LONRF1: variants seen among roughly 807,000 people sequenced by gnomAD.
The protein encoded by LONRF1 is LON peptidase N-terminal domain and ring finger 1.
A neutral mutation model predicts 85.8 loss-of-function variants in LONRF1; 37 were observed. The ratio of observed to expected loss-of-function variants is 0.43; its 90% confidence interval spans 0.33 to 0.57. The LOEUF (loss-of-function observed/expected upper bound fraction) is 0.57, where lower values mean the gene tolerates loss of function less well. Among genes scored for constraint, LONRF1 ranks in the 20% least tolerant of loss-of-function variants. The pLI is 0.04. For missense variants in LONRF1, 1,036 were observed against 978.0 expected (o/e 1.06, Z -0.79); for synonymous variants, 517 against 390.1 (o/e 1.33, Z -3.83).
In LONRF1 at chr8:12,750,196, G is replaced by A. The variant is rs560049662; in HGVS notation, c.721+4504C>T. ...GCCCTCCTATCTCACATGAGTTTGTGTATGGATCAATTACGATAATAGAAA... is the reference window on the plus strand; with the variant it reads ...GCCCTCCTATCTCACATGAGTTTGTATATGGATCAATTACGATAATAGAAA... On this transcript the variant is annotated intron_variant, in intron 1 of 11. Coordinates refer to ENST00000398246, the MANE Select transcript of LONRF1 (RefSeq NM_152271.5). Among the ~76,000 whole-genome samples the A allele has an allele frequency of 5.9e-5, 9 of 152,310 alleles. No individual in the cohort carries two copies. In the South Asian group the frequency reaches 1.7e-3, roughly 28 times the overall value.
chr8:12,748,811 T>C (rs2117337282), intron 1 of LONRF1, among the ~76,000 whole-genome samples: 1 of 151,808 alleles, frequency 6.6e-6, no homozygotes, highest in African/African-American at 2.4e-5. Context: ...ATATCAATTT[T>C]TTTTTTTTGC....
intron 1 of LONRF1, 59 bp downstream of exon 1, chr8:12,754,641 G>C: frequency 8.0e-7 from 1 of 1,253,354 alleles, no homozygotes; most frequent in Non-Finnish European, 1.0e-6. Flanking sequence ...CCGGGTCCCC[G>C]GCCCTCGGGG....
Position 12,755,409 on chromosome 8 carries a change from C to A in LONRF1, c.12G>T (p.Pro4=). 1 of 1,159,088 alleles carries A rather than the reference C, an allele frequency of 8.6e-7. No individual in the cohort carries two copies. Among genetic ancestry groups the A allele is most frequent in the South Asian group, 3.9e-5 (1 of 25,570 alleles). The allele number at this position is 1,159,088 out of a possible 1,614,324, so 71.8% of individuals were successfully genotyped here. MSS[P]AVARTSPGGS... Reference sequence around the variant, plus strand: ...CTCCTGGGGAGGTCCTCGCCACCGCCGGAGAGGACATGGCCCGCGGAGGGC... The same window carrying A: ...CTCCTGGGGAGGTCCTCGCCACCGCAGGAGAGGACATGGCCCGCGGAGGGC... The change falls in exon 1 of 12, where the codon CCG becomes CCT. Residue 4 remains proline, a synonymous_variant. Transcript: ENST00000398246.
At position 12,737,054 on chromosome 8, in the gene LONRF1, T is replaced by A; in HGVS notation, c.1200A>T (p.Glu400Asp). ...TTAAACAGTCCTCTCTGGCAGGCAT[T>A]TCTGTTGAATTTATAGACTGTGCTG... ...AQSAQSINSTEMPAREDCLKR... is the reference protein window; with the variant it reads ...AQSAQSINSTDMPAREDCLKR... Residue 400 changes from glutamate to aspartate, a missense_variant, in exon 5 of 12, where the codon GAA becomes GAT. Physicochemically the swap from Glu to Asp is conservative, Grantham distance 45. Coordinates refer to ENST00000398246, the MANE Select transcript of LONRF1 (RefSeq NM_152271.5). 1 of 1,613,700 alleles carries A rather than the reference T, an allele frequency of 6.2e-7. No homozygotes were observed. The highest frequency in any genetic ancestry group is 8.5e-7 in the Non-Finnish European group (1 of 1,179,702).
At chr8:12,752,096 A>AT (rs1300692302) in intron 1 of LONRF1, among the ~76,000 whole-genome samples, 2 of 152,154 alleles carry the variant, frequency 1.3e-5, no homozygotes, top group Non-Finnish European at 2.9e-5. Flanking sequence ...TGCAGACTAG[A>AT]TTTTTTCTAG....
chr8:12,728,914 A>G lies in LONRF1; in HGVS notation c.1997T>C (p.Leu666Pro). Residue 666 changes from leucine (L) to proline (P), a missense_variant, in exon 10 of 12, where the codon CTG becomes CCG. Leu to Pro is a moderately conservative substitution (Grantham distance 98). Around this residue, in one of 3 missense-constraint regions of LONRF1, gnomAD observed 265 missense variants for 301.5 expected, o/e 0.88. Coordinates refer to ENST00000398246, the MANE Select transcript of LONRF1 (RefSeq NM_152271.5). ...ATTTTAAAATACCTTAACATCTTCC[A>G]GATATTCAATGTCGGCAGTGCAATA... ...DGYCTADIEY[L>P]EDVKVENEDE... 6.2e-7 allele frequency: 1 copy of G among 1,613,926 alleles called. No individual in the cohort carries two copies. Among genetic ancestry groups the G allele is most frequent in the Non-Finnish European group, 8.5e-7 (1 of 1,179,834 alleles).
At chr8:12,742,541 C>T (rs189229565) in intron 2 of LONRF1, among the ~76,000 whole-genome samples, 77 of 152,270 alleles carry the variant, frequency 5.1e-4, no homozygotes, top group Middle Eastern at 3.4e-3. Context: ...TATTCTCTTT[C>T]CATTAATAAA....
At chr8:12,736,834 A>G (rs761521361) in intron 5 of LONRF1, 37 bp from the exon 6 acceptor site, 1 of 1,584,572 alleles carries the variant, frequency 6.3e-7, no homozygotes. Flanking sequence ...CTTCCTTAGG[A>G]AAAACTTTAA....
At chr8:12,723,332 C>T in intron 11 of LONRF1, 78 bp from the exon 12 acceptor site, 2 of 1,360,256 alleles carry the variant, frequency 1.5e-6, no homozygotes, top group Non-Finnish European at 1.0e-6. Flanking sequence ...CAAAAAATTA[C>T]TATTTATTGA....
At chr8:12,735,699 A>G (rs1798691793) in intron 6 of LONRF1, 1 of 254,226 alleles carries the variant, frequency 3.9e-6, no homozygotes, top group Non-Finnish European at 7.5e-6. Flanking sequence ...GGCTAGTACA[A>G]GCTGATATGT....
Position 12,722,895 on chromosome 8 carries a change from G to T in LONRF1, c.*201C>A. The T allele has an allele frequency of 1.9e-6, 1 of 515,124 alleles. No individual in the cohort carries two copies. 31.9% of individuals were successfully genotyped at this position (515,124 alleles called of 1,614,324 possible). A position where few individuals can be genotyped will look rare whatever the true frequency, so the allele number is the denominator to read the frequency against. ...GAGGTTCGACACACATTCAATGCGT[G>T]TTTTTCTGTGCAAGTTCTTAGTGGT... On this transcript the variant is annotated 3_prime_UTR_variant, in exon 12 of 12. Coordinates refer to ENST00000398246, the MANE Select transcript of LONRF1 (RefSeq NM_152271.5).
At position 12,734,561 on chromosome 8, in the gene LONRF1, T is replaced by C. The variant is rs143032929; in HGVS notation, c.1566+725A>G. 4.0e-3 allele frequency among the ~76,000 whole-genome samples: 610 copies of C among 152,286 alleles called. 3 individuals carry two copies. The highest frequency in any genetic ancestry group is 0.01 in the Admixed American group (160 of 15,296). ...CAAGCATGATTAAGAGGGTGCTCTC[T>C]TCTCATCAATTAGAGAAGACATCCA... is the stretch of plus-strand genomic sequence containing the variant. On this transcript the variant is annotated intron_variant, in intron 7 of 11. Coordinates refer to ENST00000398246, the MANE Select transcript of LONRF1 (RefSeq NM_152271.5).
chr8:12,736,825 T>C, intron 5 of LONRF1, 28 bp from the exon 6 acceptor site: 1 of 1,587,266 alleles, frequency 6.3e-7, no homozygotes, highest in Non-Finnish European at 8.6e-7. Flanking sequence ...TGGGGTTTTC[T>C]TCCTTAGGAA....
intron 1 of LONRF1, among the ~76,000 whole-genome samples, chr8:12,750,938 T>C (rs1799358926): frequency 6.6e-6 from 1 of 152,246 alleles, no homozygotes; most frequent in African/African-American, 2.4e-5. Context: ...TTACTCTGTG[T>C]CAGGCACTAT....
At chr8:12,750,439 G>A (rs948003390) in intron 1 of LONRF1, among the ~76,000 whole-genome samples, 3 of 152,282 alleles carry the variant, frequency 2.0e-5, no homozygotes, top group Middle Eastern at 3.4e-3. Context: ...TAAATTAGGT[G>A]TAGTAAGACA....
At chr8:12,740,763 T>A (rs910783315) in intron 3 of LONRF1, 111 bp downstream of exon 3, 2 of 1,323,248 alleles carry the variant, frequency 1.5e-6, no homozygotes, top group African/African-American at 2.9e-5. Flanking sequence ...TGTTCCTAAG[T>A]TAGATTTATT....
chr8:12,746,676 T>G (rs1377249009), intron 1 of LONRF1, among the ~76,000 whole-genome samples: 1 of 152,182 alleles, frequency 6.6e-6, no homozygotes, highest in Non-Finnish European at 1.5e-5. Context: ...TCTAAATGAT[T>G]TACAATCTTC....
At chr8:12,725,614 G>T in intron 11 of LONRF1, 113 bp downstream of exon 11, 1 of 1,024,664 alleles carries the variant, frequency 9.8e-7, no homozygotes, top group Non-Finnish European at 1.4e-6. Flanking sequence ...GCGGGGGAGG[G>T]GACAGTCAAA....
rs772396563 is a variant in LONRF1 at position 12,736,817 on chromosome 8, G to A, written c.1355-20C>T. 3 of 1,590,540 alleles carry A rather than the reference G, an allele frequency of 1.9e-6. No homozygotes were observed. The highest frequency in any genetic ancestry group is 2.6e-6 in the Non-Finnish European group (3 of 1,169,274). ...GAGTTTCTATTAAAACAAAGACATG[G>A]GGTTTTCTTCCTTAGGAAAAACTTT... On this transcript the variant is annotated intron_variant, in intron 5 of 11. Transcript: ENST00000398246.
Sources: allele counts gnomAD v4.1 joint callset (sites outside exome capture counted in the v4.1 genomes callset), GRCh38; gene constraint gnomAD v4.1.1; regional missense constraint gnomAD v4.1.1; transcripts MANE v1.5; gene names NCBI Gene and HGNC (gene_info 2026-07-23, HGNC 2026-07-21).